SH3PXD2A: variants seen among roughly 807,000 people sequenced by gnomAD.
SH3PXD2A encodes the protein SH3 and PX domains 2A.
SH3PXD2A carries 32 observed loss-of-function variants against 115.2 expected under a neutral mutation model. The ratio of observed to expected loss-of-function variants is 0.28; its 90% CI spans 0.21 to 0.37. The LOEUF is 0.37. Among genes scored for constraint, SH3PXD2A ranks in the 10% least tolerant of loss-of-function variants. The probability of loss-of-function intolerance (pLI) is 1.00; values close to 1 mark genes in which losing one functional copy is unlikely to be tolerated. For synonymous variants in SH3PXD2A, 610 were observed against 629.1 expected, an observed-to-expected ratio of 0.97 and a Z score of 0.45; for missense variants, 1,328 against 1,498.7, an observed-to-expected ratio of 0.89 and a Z score of 1.88.
At chr10:103,793,964 A>C (rs1235216663) in intron 2 of SH3PXD2A, among the ~76,000 whole-genome samples, 2 of 152,214 alleles carry the variant, frequency 1.3e-5, no homozygotes, top group South Asian at 4.1e-4. Context: ...AAATTAACAC[A>C]GTTTGTTACC....
intron 5 of SH3PXD2A, among the ~76,000 whole-genome samples, chr10:103,701,318 T>C (rs1379309451): frequency 7.5e-6 from 1 of 133,312 alleles, no homozygotes; most frequent in African/African-American, 2.9e-5. Context: ...CATCCATCCA[T>C]CATCCATCCA....
intron 6 of SH3PXD2A, among the ~76,000 whole-genome samples, chr10:103,688,073 G>A (rs944605312): frequency 9.9e-5 from 15 of 152,100 alleles, no homozygotes; most frequent in African/African-American, 3.6e-4. Context: ...CTATAGCCTC[G>A]ACACCTTGCG....
chr10:103,705,850 A>T (rs2037973821), intron 5 of SH3PXD2A, among the ~76,000 whole-genome samples: 1 of 152,144 alleles, frequency 6.6e-6, no homozygotes, highest in Non-Finnish European at 1.5e-5. Flanking sequence ...TACAAAAATT[A>T]GCTGGGTGTG....
intron 8 of SH3PXD2A, among the ~76,000 whole-genome samples, chr10:103,641,036 G>C (rs1034608986): frequency 6.6e-6 from 1 of 152,190 alleles, no homozygotes; most frequent in Non-Finnish European, 1.5e-5. Context: ...TGAGGACAGA[G>C]ACACAGTACT....
intron 6 of SH3PXD2A, among the ~76,000 whole-genome samples, chr10:103,692,233 G>A (rs893663789): frequency 6.6e-6 from 1 of 152,190 alleles, no homozygotes; most frequent in Non-Finnish European, 1.5e-5. Flanking sequence ...ACATCCAGGC[G>A]TTTGCCATTT....
intron 1 of SH3PXD2A, among the ~76,000 whole-genome samples, chr10:103,806,613 C>T (rs931423586): frequency 2.6e-5 from 4 of 152,216 alleles, no homozygotes; most frequent in Non-Finnish European, 5.9e-5. Context: ...TAACATTACC[C>T]GGCAGCTGGG....
chr10:103,814,799 T>C (rs74685089), intron 1 of SH3PXD2A, among the ~76,000 whole-genome samples: 3,540 of 152,314 alleles, frequency 0.023, 127 homozygotes, highest in African/African-American at 0.077. Context: ...ACAGGGTCTG[T>C]TGTCATGGAG....
intron 3 of SH3PXD2A, chr10:103,754,778 G>A (rs2038620846): frequency 6.6e-6 from 1 of 152,100 alleles, no homozygotes; most frequent in Admixed American, 6.5e-5. Context: ...CAAGAAACCA[G>A]CCCTCACCAA....
intron 1 of SH3PXD2A, among the ~76,000 whole-genome samples, chr10:103,840,591 C>T (rs1026599391): frequency 2.0e-5 from 3 of 152,332 alleles, no homozygotes; most frequent in African/African-American, 4.8e-5. Flanking sequence ...GCGGGATTCC[C>T]GGAAGGCCAG....
chr10:103,848,893 C>T (rs886557274), intron 1 of SH3PXD2A, among the ~76,000 whole-genome samples: 4 of 149,576 alleles, frequency 2.7e-5, no homozygotes, highest in African/African-American at 7.4e-5. Flanking sequence ...CAATTACAAA[C>T]TCATTTCATC....
chr10:103,779,776 C>T (rs1029762235), intron 2 of SH3PXD2A, among the ~76,000 whole-genome samples: 1 of 152,174 alleles, frequency 6.6e-6, no homozygotes, highest in African/African-American at 2.4e-5. Context: ...TGTTTTCTGG[C>T]AGGTTCCTGG....
chr10:103,644,093 C>T (rs1270080542), intron 8 of SH3PXD2A, among the ~76,000 whole-genome samples: 3 of 115,384 alleles, frequency 2.6e-5, no homozygotes, highest in African/African-American at 3.5e-5. Flanking sequence ...CCAGCCTGGG[C>T]GACAGAGCGA....
intron 9 of SH3PXD2A, among the ~76,000 whole-genome samples, chr10:103,623,054 A>G (rs2036631806): frequency 6.6e-6 from 1 of 152,190 alleles, no homozygotes; most frequent in African/African-American, 2.4e-5. Flanking sequence ...AGTGTGCCCA[A>G]GAGAGACTTG....
chr10:103,622,636 T>TGGGGGGG, intron 9 of SH3PXD2A, 83 bp from the exon 10 acceptor site: 3 of 465,016 alleles, frequency 6.5e-6, no homozygotes, highest in East Asian at 5.2e-5. Context: ...GGGATGGGGG[T>TGGGGGGG]GGGAGGAAGG....
intron 6 of SH3PXD2A, among the ~76,000 whole-genome samples, chr10:103,692,148 C>T (rs1284540130): frequency 2.0e-5 from 3 of 152,186 alleles, no homozygotes; most frequent in Non-Finnish European, 2.9e-5. Context: ...AGCAGTCTGT[C>T]CCCGCCCCCA....
chr10:103,712,317 G>A (rs1309953307), intron 5 of SH3PXD2A, among the ~76,000 whole-genome samples: 2 of 152,208 alleles, frequency 1.3e-5, no homozygotes, highest in Non-Finnish European at 2.9e-5. Flanking sequence ...GGTTTTGCAC[G>A]TAGCCATCTG....
intron 1 of SH3PXD2A, among the ~76,000 whole-genome samples, chr10:103,844,551 AC>A (rs1252580739): frequency 6.6e-6 from 1 of 152,226 alleles, no homozygotes; most frequent in Admixed American, 6.5e-5. Context: ...GGCAAAAGCA[AC>A]CAGGGCAAGT....
At chr10:103,728,741 CTG>C (rs1228555028) in intron 4 of SH3PXD2A, among the ~76,000 whole-genome samples, 3 of 152,210 alleles carry the variant, frequency 2.0e-5, no homozygotes, top group Admixed American at 1.3e-4. Flanking sequence ...TCCTGTAGGA[CTG>C]TGTCATTTAA....
chr10:103,808,360 T>C (rs1250835846), intron 1 of SH3PXD2A, among the ~76,000 whole-genome samples: 3 of 152,024 alleles, frequency 2.0e-5, no homozygotes. Flanking sequence ...CAAGAGATTC[T>C]CCTGCTTCAG....
Sources: allele counts gnomAD v4.1 joint callset (sites outside exome capture counted in the v4.1 genomes callset), GRCh38; gene constraint gnomAD v4.1.1; transcripts MANE v1.5; gene names NCBI Gene and HGNC (gene_info 2026-07-23, HGNC 2026-07-21).